Variants in PAX8 observed in about 807,000 individuals in gnomAD.
The protein encoded by PAX8 is paired box 8.
PAX8 carries 15 observed loss-of-function variants against 52.4 expected under a neutral mutation model. The ratio of observed to expected loss-of-function variants is 0.29; its 90% CI spans 0.19 to 0.44. The LOEUF is 0.44. PAX8 is among the 20% of genes least tolerant of loss of function. The pLI is 1.00. For synonymous variants in PAX8, 284 were observed against 249.7 expected, an observed-to-expected ratio of 1.14 and a Z score of -1.29; for missense variants, 554 against 602.5, an observed-to-expected ratio of 0.92 and a Z score of 0.84.
chr2:113,227,546 C>G (rs1217988804), intron 9 of PAX8, among the ~76,000 whole-genome samples: 2 of 152,182 alleles, frequency 1.3e-5, no homozygotes, highest in African/African-American at 4.8e-5. Flanking sequence ...CTTATTAATC[C>G]ACAAGAATGT....
chr2:113,254,862 A>C (rs1197132637), intron 2 of PAX8, among the ~76,000 whole-genome samples: 1 of 152,060 alleles, frequency 6.6e-6, no homozygotes, highest in Non-Finnish European at 1.5e-5. Context: ...ATTTCCATTC[A>C]TGCCTTAGGA....
At chr2:113,262,826 C>T (rs1692784935) in intron 2 of PAX8, among the ~76,000 whole-genome samples, 1 of 152,218 alleles carries the variant, frequency 6.6e-6, no homozygotes, top group South Asian at 2.1e-4. Flanking sequence ...AACAGATTCT[C>T]CTCCAGCCTC....
chr2:113,251,495 C>T (rs916645797), intron 2 of PAX8, among the ~76,000 whole-genome samples: 4 of 152,036 alleles, frequency 2.6e-5, no homozygotes, highest in Admixed American at 6.6e-5. Flanking sequence ...AAGACAAGAC[C>T]GCCTGGCCGG....
At chr2:113,233,304 C>T (rs1335814102) in intron 9 of PAX8, among the ~76,000 whole-genome samples, 2 of 145,466 alleles carry the variant, frequency 1.4e-5, no homozygotes, top group East Asian at 4.2e-4. Context: ...GGAAACTTCT[C>T]ACATTAGGTG....
intron 2 of PAX8, chr2:113,250,813 C>T (rs957064707): frequency 1.3e-5 from 2 of 152,222 alleles, no homozygotes; most frequent in Non-Finnish European, 2.9e-5. Context: ...AGAATCCTGG[C>T]CTTCAAGGAA....
intron 9 of PAX8, among the ~76,000 whole-genome samples, chr2:113,233,012 TCTC>T (rs1163955602): frequency 3.4e-5 from 5 of 146,070 alleles, no homozygotes; most frequent in African/African-American, 1.0e-4. Flanking sequence ...ATGAACCTCT[TCTC>T]CTCACCCCCT....
intron 2 of PAX8, among the ~76,000 whole-genome samples, chr2:113,252,433 C>G (rs1691845885): frequency 6.6e-6 from 1 of 152,204 alleles, no homozygotes; most frequent in South Asian, 2.1e-4. Context: ...AGGCCAGGGT[C>G]TGTGCCTCCA....
chr2:113,242,730 G>A lies in PAX8; in HGVS notation c.438C>T (p.Ser146=). 1 of 1,613,952 alleles carries A rather than the reference G, an allele frequency of 6.2e-7. No individual in the cohort carries two copies. Among genetic ancestry groups the A allele is most frequent in the African/African-American group, 1.3e-5 (1 of 75,024 alleles). Residue 146 remains serine, a synonymous_variant, in exon 5 of 12, where the codon AGC becomes AGT. Coordinates refer to ENST00000429538, the MANE Select transcript of PAX8 (RefSeq NM_003466.4). Reference sequence around the variant, plus strand: ...GACTCAGGGACTTGGTGGCCACGCAGCTGTCCATAGGGAGGTTGAATGGTT... The same window carrying A: ...GACTCAGGGACTTGGTGGCCACGCAACTGTCCATAGGGAGGTTGAATGGTT... ...VQQPFNLPMD[S]CVATKSLSPG...
intron 10 of PAX8, chr2:113,226,928 G>A: frequency 6.9e-7 from 1 of 1,444,068 alleles, no homozygotes; most frequent in Non-Finnish European, 9.2e-7. Flanking sequence ...TAATGTAGCA[G>A]GCCTGGGAAG....
intron 2 of PAX8, among the ~76,000 whole-genome samples, chr2:113,249,944 T>C (rs2018348): frequency 0.26 from 38,771 of 151,918 alleles, 4,969 homozygotes; most frequent in Middle Eastern, 0.35. Context: ...TTAACAAAAC[T>C]TATGCCTGCT....
At chr2:113,225,007 T>C (rs4849177) in intron 10 of PAX8, among the ~76,000 whole-genome samples, 56,315 of 151,754 alleles carry the variant, frequency 0.37, 10,495 homozygotes, top group South Asian at 0.45. Flanking sequence ...AGGAAAGAGC[T>C]TTAGACTTGA....
intron 2 of PAX8, chr2:113,271,645 C>G (rs1324312172): frequency 6.7e-6 from 1 of 149,976 alleles, no homozygotes; most frequent in Non-Finnish European, 1.5e-5. Flanking sequence ...AGCACGGGCA[C>G]TTGGGCCTTC....
At position 113,278,560 on chromosome 2, in the gene PAX8, G is replaced by A. The variant is rs912903236; in HGVS notation, c.-75-91C>T. On this transcript the variant is annotated intron_variant, in intron 1 of 11. Transcript: ENST00000429538. ...TCCCCAGGCCTCATCCTTTACACCT[G>A]CATCGTCTGCCAGGAGTAGGAGGAT... 8 of 1,127,634 alleles carry A rather than the reference G, an allele frequency of 7.1e-6. No individual in the cohort carries two copies. The African/African-American group carries it at 1.2e-4, about 17-fold the overall frequency. 69.9% of individuals were successfully genotyped at this position (1,127,634 alleles called of 1,614,324 possible). A position where few individuals can be genotyped will look rare whatever the true frequency, so the allele number is the denominator to read the frequency against.
Position 113,241,436 on chromosome 2 carries a change from C to G in PAX8, c.777+115G>C, listed in dbSNP as rs917575649. The G allele has an allele frequency of 4.0e-6, 4 of 1,012,614 alleles. No individual in the cohort carries two copies. In the African/African-American group the frequency reaches 6.3e-5, roughly 16 times the overall value. The allele number at this position is 1,012,614 out of a possible 1,614,324, so 62.7% of individuals were successfully genotyped here. On this transcript the variant is annotated intron_variant, in intron 7 of 11. Transcript: ENST00000429538. ...GCTTGGAGTTGCATAAGGCAGGTGC[C>G]CTGAGCCCATTGATGCAACTTCCAG...
intron 9 of PAX8, among the ~76,000 whole-genome samples, chr2:113,234,813 C>G (rs956054212): frequency 1.3e-5 from 2 of 152,226 alleles, no homozygotes; most frequent in African/African-American, 4.8e-5. Flanking sequence ...CCACCTCGCC[C>G]GGTCGGTGCT....
At chr2:113,221,471 T>C (rs1226093160) in intron 10 of PAX8, among the ~76,000 whole-genome samples, 1 of 152,188 alleles carries the variant, frequency 6.6e-6, no homozygotes. Flanking sequence ...GACAAGTCAC[T>C]TAGCCTCTCT....
chr2:113,224,026 A>C (rs1689401662), intron 10 of PAX8, among the ~76,000 whole-genome samples: 1 of 152,130 alleles, frequency 6.6e-6, no homozygotes, highest in African/African-American at 2.4e-5. Context: ...AGATGTATAG[A>C]TTAATGGAGG....
intron 2 of PAX8, chr2:113,272,783 A>C (rs1693549038): frequency 6.6e-6 from 1 of 152,180 alleles, no homozygotes. Context: ...ATTTGGAAAG[A>C]ATCCCTCCCG....
intron 2 of PAX8, among the ~76,000 whole-genome samples, chr2:113,247,607 G>T (rs772656394): frequency 6.6e-6 from 1 of 152,198 alleles, no homozygotes; most frequent in Non-Finnish European, 1.5e-5. Flanking sequence ...TGACACAGGG[G>T]CTACAGGCCA....
Sources: allele counts gnomAD v4.1 joint callset (sites outside exome capture counted in the v4.1 genomes callset), GRCh38; gene constraint gnomAD v4.1.1; transcripts MANE v1.5; gene names NCBI Gene and HGNC (gene_info 2026-07-23, HGNC 2026-07-21).